The following OXR1 variants were observed in gnomAD, a reference collection of about 807,000 sequenced individuals.
The protein encoded by OXR1 is oxidation resistance protein 1.
OXR1 carries 41 observed loss-of-function variants against 104.6 expected under a neutral mutation model. The observed-to-expected ratio is 0.39, with a 90% CI of 0.31 to 0.51. The LOEUF (loss-of-function observed/expected upper bound fraction) is 0.51, where lower values mean the gene tolerates loss of function less well. Ranked by LOEUF, OXR1 falls within the 20% of genes least tolerant of loss-of-function variation. The pLI, the probability that OXR1 is intolerant of heterozygous loss-of-function variation, is 0.77. For synonymous variants in OXR1, 348 were observed against 348.4 expected (o/e 1.00, Z 0.01); for missense variants, 955 against 1,031.9 (o/e 0.93, Z 1.02).
At chr8:106,433,278 C>T (rs1164827813) in intron 2 of OXR1, among the ~76,000 whole-genome samples, 2 of 152,000 alleles carry the variant, frequency 1.3e-5, no homozygotes, top group Non-Finnish European at 1.5e-5. Flanking sequence ...CTGATTGGGC[C>T]AGATTATCAA....
At chr8:106,508,094 C>T (rs76626318) in intron 2 of OXR1, among the ~76,000 whole-genome samples, 1,881 of 152,154 alleles carry the variant, frequency 0.012, 29 homozygotes, top group East Asian at 0.079. Context: ...GGGGTCCTTG[C>T]CCCCTGTGTC....
intron 1 of OXR1, among the ~76,000 whole-genome samples, chr8:106,311,321 T>G (rs1586506057): frequency 6.6e-6 from 1 of 152,204 alleles, no homozygotes; most frequent in Non-Finnish European, 1.5e-5. Flanking sequence ...TTTTTTGGTT[T>G]CTTTTGTCTC....
At chr8:106,521,555 C>G (rs1813262730) in intron 3 of OXR1, among the ~76,000 whole-genome samples, 1 of 152,128 alleles carries the variant, frequency 6.6e-6, no homozygotes, top group Admixed American at 6.5e-5. Context: ...CTCTGTTGCC[C>G]AGGCTGGAGT....
intron 11 of OXR1, among the ~76,000 whole-genome samples, chr8:106,723,170 A>G (rs553111161): frequency 5.9e-5 from 9 of 151,986 alleles, no homozygotes; most frequent in Admixed American, 2.0e-4. Context: ...AGCCTGGCCA[A>G]TATGGTGAAA....
At chr8:106,567,985 A>G (rs971177555) in intron 3 of OXR1, among the ~76,000 whole-genome samples, 5 of 152,128 alleles carry the variant, frequency 3.3e-5, no homozygotes, top group Non-Finnish European at 5.9e-5. Context: ...GATGAATGTG[A>G]GCCTGAAAAA....
At chr8:106,745,006 G>T (rs1021359308) in intron 15 of OXR1, among the ~76,000 whole-genome samples, 1 of 152,110 alleles carries the variant, frequency 6.6e-6, no homozygotes, top group African/African-American at 2.4e-5. Context: ...AAGCATCAGT[G>T]GTGCCTATTC....
At chr8:106,405,396 C>T (rs1381022268) in intron 2 of OXR1, among the ~76,000 whole-genome samples, 1 of 151,842 alleles carries the variant, frequency 6.6e-6, no homozygotes. Flanking sequence ...TAACTGGGAG[C>T]ATAATCATTC....
At chr8:106,664,621 A>G (rs1826091045) in intron 3 of OXR1, among the ~76,000 whole-genome samples, 1 of 152,250 alleles carries the variant, frequency 6.6e-6, no homozygotes, top group Admixed American at 6.5e-5. Flanking sequence ...GTATAATTTA[A>G]AATGCATACT....
intron 6 of OXR1, among the ~76,000 whole-genome samples, chr8:106,687,104 T>C (rs1287556893): frequency 6.6e-6 from 1 of 152,200 alleles, no homozygotes; most frequent in Non-Finnish European, 1.5e-5. Context: ...ATCAGTGCAC[T>C]CTCTCTTGCC....
chr8:106,655,853 G>A (rs1161386007), intron 3 of OXR1, among the ~76,000 whole-genome samples: 2 of 152,080 alleles, frequency 1.3e-5, no homozygotes. Context: ...AGCCTTCTAT[G>A]AAATAGAAGC....
chr8:106,464,788 G>A (rs963566122), intron 2 of OXR1, among the ~76,000 whole-genome samples: 3 of 151,980 alleles, frequency 2.0e-5, no homozygotes, highest in Admixed American at 6.6e-5. Flanking sequence ...TGAGCACGAA[G>A]CATATCTCGG....
chr8:106,505,185 C>CTT (rs1812077136), intron 2 of OXR1, among the ~76,000 whole-genome samples: 4 of 152,116 alleles, frequency 2.6e-5, no homozygotes, highest in African/African-American at 7.2e-5. Flanking sequence ...AGATTTGGGA[C>CTT]ATTGTGACTG....
chr8:106,492,488 T>C (rs1344843095), intron 2 of OXR1, among the ~76,000 whole-genome samples: 3 of 152,218 alleles, frequency 2.0e-5, no homozygotes, highest in African/African-American at 7.2e-5. Context: ...CCTTAAAACC[T>C]GGGAATACCT....
intron 2 of OXR1, among the ~76,000 whole-genome samples, chr8:106,482,163 T>C (rs180704519): frequency 1.4e-4 from 21 of 152,042 alleles, no homozygotes; most frequent in African/African-American, 5.1e-4. Context: ...TTAGAGTAAG[T>C]AACATCAAGC....
chr8:106,509,811 G>T (rs921717466), intron 2 of OXR1, among the ~76,000 whole-genome samples: 20 of 152,014 alleles, frequency 1.3e-4, no homozygotes, highest in Admixed American at 1.1e-3. Context: ...TCGCTCTGTC[G>T]CCCAGGCTGG....
chr8:106,430,931 T>C (rs749501624), intron 2 of OXR1, among the ~76,000 whole-genome samples: 2 of 152,154 alleles, frequency 1.3e-5, no homozygotes, highest in Non-Finnish European at 2.9e-5. Flanking sequence ...CTTCTTCCCT[T>C]CCCTTGAATT....
chr8:106,661,474 A>G (rs1825760149), intron 3 of OXR1, among the ~76,000 whole-genome samples: 1 of 152,244 alleles, frequency 6.6e-6, no homozygotes, highest in Non-Finnish European at 1.5e-5. Context: ...TAACGGGTAC[A>G]TTATGCTTTG....
intron 2 of OXR1, among the ~76,000 whole-genome samples, chr8:106,465,165 G>A (rs1821108453): frequency 3.9e-5 from 6 of 151,916 alleles, no homozygotes; most frequent in Admixed American, 3.9e-4. Context: ...AGGTGATTTG[G>A]GATCGATACT....
chr8:106,483,892 A>G (rs1305343129), intron 2 of OXR1, among the ~76,000 whole-genome samples: 1 of 152,090 alleles, frequency 6.6e-6, no homozygotes, highest in Non-Finnish European at 1.5e-5. Flanking sequence ...AGACTCAAAT[A>G]AAATGATTGA....
Sources: gnomAD v4.1 joint callset for allele counts (sites outside exome capture counted in the v4.1 genomes callset) on GRCh38, gnomAD v4.1.1 for gene constraint, MANE v1.5 for transcripts, NCBI Gene and HGNC (gene_info 2026-07-23, HGNC 2026-07-21) for gene names.